The following DPP6 variants were observed in gnomAD, a reference collection of about 807,000 sequenced individuals.
The protein encoded by DPP6 is dipeptidyl peptidase like 6.
In DPP6, 69 loss-of-function variants were observed where a neutral mutation model predicts 122.6. That is an observed-to-expected ratio of 0.56 (90% confidence interval 0.46 to 0.69). The LOEUF (loss-of-function observed/expected upper bound fraction) is 0.69, where lower values mean the gene tolerates loss of function less well. Among genes scored for constraint, DPP6 ranks in the 30% least tolerant of loss-of-function variants. The pLI, the probability that DPP6 is intolerant of heterozygous loss-of-function variation, is 0.00. For synonymous variants in DPP6, 418 were observed against 433.1 expected, an observed-to-expected ratio of 0.97 and a Z score of 0.43; for missense variants, 928 against 1,116.9, an observed-to-expected ratio of 0.83 and a Z score of 2.41.
chr7:154,251,472 G>A (rs1802347160), intron 1 of DPP6, among the ~76,000 whole-genome samples: 3 of 152,192 alleles, frequency 2.0e-5, no homozygotes, highest in Admixed American at 2.0e-4. Context: ...GAACTAATAG[G>A]ATATATGCAT....
At chr7:154,795,731 T>C (rs1351558955) in intron 11 of DPP6, 114 bp from the exon 12 acceptor site, 1 of 1,449,488 alleles carries the variant, frequency 6.9e-7, no homozygotes, top group South Asian at 1.3e-5. Context: ...GCAGCGGCCA[T>C]GTAGGTGAAG....
chr7:154,359,147 T>C (rs939625611), intron 1 of DPP6, among the ~76,000 whole-genome samples: 17 of 152,222 alleles, frequency 1.1e-4, no homozygotes, highest in African/African-American at 4.1e-4. Flanking sequence ...AAAAGGCCAG[T>C]GCCAAGGGTG....
chr7:154,565,869 T>C (rs1457574209), intron 4 of DPP6, among the ~76,000 whole-genome samples: 1 of 152,298 alleles, frequency 6.6e-6, no homozygotes, highest in East Asian at 1.9e-4. Flanking sequence ...TCTGATTTCA[T>C]GTGGTTGCCT....
intron 1 of DPP6, among the ~76,000 whole-genome samples, chr7:154,231,911 T>C (rs919111867): frequency 6.6e-6 from 1 of 152,174 alleles, no homozygotes; most frequent in Non-Finnish European, 1.5e-5. Flanking sequence ...GAGATGGCCA[T>C]TCTACTCTAC....
At chr7:153,965,457 T>A (rs1372296294) in intron 1 of DPP6, among the ~76,000 whole-genome samples, 3 of 152,158 alleles carry the variant, frequency 2.0e-5, no homozygotes, top group Non-Finnish European at 4.4e-5. Flanking sequence ...TGTAAATAGC[T>A]TAGTTTCATC....
chr7:153,819,276 T>TCCCCTCTATGTGTCCTGTGTTCTC, the DPP6 span, among the ~76,000 whole-genome samples: 1 of 140,394 alleles, frequency 7.1e-6, no homozygotes, highest in Non-Finnish European at 1.5e-5. Context: ...TGTGTGTTGT[T>TCCCCTCTATGTGTCCTGTGTTCTC]CCCCTCTATG....
At position 154,618,867 on chromosome 7, in the gene DPP6, T is replaced by C. The variant is rs959695585; in HGVS notation, c.628-18954T>C. Among the ~76,000 whole-genome samples, 18 of 152,326 alleles carry C rather than the reference T, an allele frequency of 1.2e-4. No homozygotes were observed. Among genetic ancestry groups the C allele is most frequent in the Non-Finnish European group, 2.4e-4 (16 of 68,032 alleles). On this transcript the variant is annotated intron_variant, in intron 5 of 25. Transcript: ENST00000377770. The surrounding 1 kb of genome is among the most constrained non-coding windows in gnomAD (Gnocchi z 4.1). ...GTTACACACTGATATGGTTTAGCTGTGTCCCCACCCAAATCTCATCTTGAA... is the reference window on the plus strand; with the variant it reads ...GTTACACACTGATATGGTTTAGCTGCGTCCCCACCCAAATCTCATCTTGAA...
At chr7:153,858,504 G>C in the DPP6 span, among the ~76,000 whole-genome samples, 2 of 152,168 alleles carry the variant, frequency 1.3e-5, no homozygotes, top group African/African-American at 4.8e-5. Context: ...TCAGCCCAGT[G>C]ATGACGCTGT....
chr7:154,367,514 A>G (rs1394158121), intron 1 of DPP6, among the ~76,000 whole-genome samples: 2 of 152,166 alleles, frequency 1.3e-5, no homozygotes, highest in African/African-American at 2.4e-5. Context: ...CTCCACCAAC[A>G]CCTGGTGTAT....
At position 154,624,739 on chromosome 7, in the gene DPP6, C is replaced by A. The variant is rs1278644171; in HGVS notation, c.628-13082C>A. 6.6e-6 allele frequency among the ~76,000 whole-genome samples: 1 copy of A among 152,112 alleles called. No individual in the cohort carries two copies. The highest frequency in any genetic ancestry group is 1.5e-5 in the Non-Finnish European group (1 of 68,024). The stretch of plus-strand genomic sequence containing the variant: ...CTGGAGCCTAGGAAACAGTGTCTCC[C>A]AGGAAGAAACCTGTTAATCTGCACC... On this transcript the variant is annotated intron_variant, in intron 5 of 25. Coordinates refer to ENST00000377770, the MANE Select transcript of DPP6 (RefSeq NM_130797.4). The surrounding 1 kb of genome is among the most constrained non-coding windows in gnomAD (Gnocchi z 4.7).
At chr7:154,574,091 A>T (rs1008532012) in intron 5 of DPP6, among the ~76,000 whole-genome samples, 10 of 152,224 alleles carry the variant, frequency 6.6e-5, no homozygotes, top group African/African-American at 2.4e-4. Context: ...TTTGGAGCTA[A>T]ATGTAAAAGC....
In DPP6 at chr7:154,540,617, C is replaced by CA. The variant is rs773847741; in HGVS notation, c.550dup (p.Ile184AsnfsTer2). ...ATACTTCTACTGTCTTAATAGAAGG[C>CA]AAAAAAATTGTAAGTACTCTCTTTA... On this transcript the variant is annotated frameshift_variant, in exon 4 of 26. Coordinates refer to ENST00000377770, the MANE Select transcript of DPP6 (RefSeq NM_130797.4). LOFTEE classifies it high-confidence loss of function. 7 of 1,563,306 alleles carry CA rather than the reference C, an allele frequency of 4.5e-6. No homozygotes were observed. Among genetic ancestry groups the CA allele is most frequent in the South Asian group, 2.4e-5 (2 of 82,494 alleles).
chr7:154,036,514 C>T (rs1453692233), intron 1 of DPP6, among the ~76,000 whole-genome samples: 1 of 150,542 alleles, frequency 6.6e-6, no homozygotes, highest in Non-Finnish European at 1.5e-5. Flanking sequence ...TTTGTTGTAC[C>T]ATTTGTGAAG....
rs1214261199 is a variant in DPP6 at position 154,604,561 on chromosome 7, G to C, written c.628-33260G>C. Among the ~76,000 whole-genome samples the C allele has an allele frequency of 1.7e-5, 2 of 120,702 alleles. 1 individual carries two copies. Among genetic ancestry groups the C allele is most frequent in the Non-Finnish European group, 3.7e-5 (2 of 53,512 alleles). 79.2% of individuals were successfully genotyped at this position (120,702 alleles called of 152,430 possible). On this transcript the variant is annotated intron_variant, in intron 5 of 25. Transcript: ENST00000377770. Reference sequence around the variant, plus strand: ...ATATGCTAGATAATATAAGCACAAAGACTTCTTTTAAGTCTTCTAATAAAA... The same window carrying C: ...ATATGCTAGATAATATAAGCACAAACACTTCTTTTAAGTCTTCTAATAAAA...
rs114380835 is a variant in DPP6 at position 154,683,324 on chromosome 7, A to T, written c.762+13883A>T. Among the ~76,000 whole-genome samples, 677 of 152,248 alleles carry T rather than the reference A, an allele frequency of 4.4e-3. 2 individuals are homozygous for T. The highest frequency in any genetic ancestry group is 0.015 in the African/African-American group (638 of 41,542). ...CCAGACTCAGTTCATTCATAAATCTAAACTCACTATTGTTTCTGCCAAAGC... is the reference window on the plus strand; with the variant it reads ...CCAGACTCAGTTCATTCATAAATCTTAACTCACTATTGTTTCTGCCAAAGC... On this transcript the variant is annotated intron_variant, in intron 7 of 25. Transcript: ENST00000377770.
Position 154,079,655 on chromosome 7 carries a change from G to T in DPP6, c.243+26592G>T, listed in dbSNP as rs180717467. Among the ~76,000 whole-genome samples, 311 of 152,174 alleles carry T rather than the reference G, an allele frequency of 2.0e-3. 1 individual carries two copies. The highest frequency in any genetic ancestry group is 7.1e-3 in the African/African-American group (293 of 41,510). On this transcript the variant is annotated intron_variant, in intron 1 of 25. Transcript: ENST00000377770. ...TGGGAGGGTGTGCTGGGGAAGTGTT[G>T]TGGGCAGAGGCTGGAAAATGAAATT...
the DPP6 span, among the ~76,000 whole-genome samples, chr7:153,871,075 C>G: frequency 1.3e-5 from 2 of 152,164 alleles, no homozygotes; most frequent in African/African-American, 4.8e-5. Context: ...GGGATGCCTC[C>G]CAGTTAGGCT....
intron 10 of DPP6, among the ~76,000 whole-genome samples, chr7:154,779,424 C>G (rs574534653): frequency 2.6e-5 from 4 of 152,076 alleles, no homozygotes; most frequent in Admixed American, 2.0e-4. Context: ...GCCTCCTTCC[C>G]TATCATAAAC....
At chr7:154,682,671 C>T (rs1839355980) in intron 7 of DPP6, among the ~76,000 whole-genome samples, 1 of 152,120 alleles carries the variant, frequency 6.6e-6, no homozygotes, top group Non-Finnish European at 1.5e-5. Context: ...TCTTCTGGAC[C>T]TTTCTGCAAA....
Sources: allele counts gnomAD v4.1 joint callset (sites outside exome capture counted in the v4.1 genomes callset), GRCh38; gene constraint gnomAD v4.1.1; non-coding constraint Gnocchi (gnomAD v3.1); transcripts MANE v1.5; gene names NCBI Gene and HGNC (gene_info 2026-07-23, HGNC 2026-07-21).